Variants in ASB18 observed in about 807,000 individuals in gnomAD.
ASB18 encodes ankyrin repeat and SOCS box containing 18.
In ASB18, 33 loss-of-function variants were observed where a neutral mutation model predicts 33.4. That is an observed-to-expected ratio of 0.99 (90% CI 0.75 to 1.32). The LOEUF is 1.32. ASB18 is among the 40% of genes most tolerant of loss of function. The pLI is 0.00. For synonymous variants in ASB18, 295 were observed against 307.6 expected, an observed-to-expected ratio of 0.96 and a Z score of 0.43; for missense variants, 694 against 655.5, an observed-to-expected ratio of 1.06 and a Z score of -0.64.
At position 236,256,595 on chromosome 2, in the gene ASB18, G is replaced by T. The variant is rs1262050036; in HGVS notation, c.205+7546C>A. 6.6e-6 allele frequency among the ~76,000 whole-genome samples: 1 copy of T among 152,176 alleles called. No homozygotes were observed. The highest frequency in any genetic ancestry group is 1.5e-5 in the Non-Finnish European group (1 of 68,036). On this transcript the variant is annotated intron_variant, in intron 1 of 5. Transcript: ENST00000409749. This position sits in a 1 kb window ranked among gnomAD's most constrained non-coding sequence, Gnocchi z 4.7. ...TCCGCTATTATTCTCATTGCTTTTT[G>T]TTCTTTCCAAACTCTCCAGTGTGCT... is the stretch of plus-strand genomic sequence containing the variant.
Position 236,245,744 on chromosome 2 carries a change from G to A in ASB18, c.206-4342C>T, listed in dbSNP as rs13431133. Among the ~76,000 whole-genome samples the A allele has an allele frequency of 9.4e-3, 1,427 of 152,308 alleles. 20 individuals are homozygous for A. The highest frequency in any genetic ancestry group is 0.032 in the African/African-American group (1,345 of 41,566). Reference sequence around the variant, plus strand: ...TGAGCTTTTTTGGAGGACGGTGGGGGCTGCTGCTTCCTCTCTGGGAAGTTC... The same window carrying A: ...TGAGCTTTTTTGGAGGACGGTGGGGACTGCTGCTTCCTCTCTGGGAAGTTC... On this transcript the variant is annotated intron_variant, in intron 1 of 5. Transcript: ENST00000409749. The surrounding 1 kb of genome is among the most constrained non-coding windows in gnomAD (Gnocchi z 4.7).
Position 236,241,177 on chromosome 2 carries a change from C to G in ASB18, c.328+103G>C. On this transcript the variant is annotated intron_variant, in intron 2 of 5. Coordinates refer to ENST00000409749, the MANE Select transcript of ASB18 (RefSeq NM_212556.4). The surrounding 1 kb of genome is among the most constrained non-coding windows in gnomAD (Gnocchi z 4.2). ...ATGTCCTTTTCTTGTGTACGTTAAA[C>G]CCAGTGCCACTGTGCCCAGTCTACA... 8.4e-7 allele frequency: 1 copy of G among 1,185,950 alleles called. No homozygotes were observed. Among genetic ancestry groups the G allele is most frequent in the Middle Eastern group, 2.7e-4 (1 of 3,772 alleles). 73.5% of individuals were successfully genotyped at this position (1,185,950 alleles called of 1,614,324 possible).
rs2060579945 is a variant in ASB18 at position 236,234,479 on chromosome 2, G to A, written c.596+3210C>T. On this transcript the variant is annotated intron_variant, in intron 3 of 5. Transcript: ENST00000409749. This position sits in a 1 kb window ranked among gnomAD's most constrained non-coding sequence, Gnocchi z 4.1. The stretch of plus-strand genomic sequence containing the variant: ...TGGTGTGTGGCATAAAGATTGTGAG[G>A]AGCCAACACCACTGGCTACTCTTCC... 6.6e-6 allele frequency among the ~76,000 whole-genome samples: 1 copy of A among 152,148 alleles called. No homozygotes were observed. The highest frequency in any genetic ancestry group is 1.5e-5 in the Non-Finnish European group (1 of 68,030).
intron 1 of ASB18, among the ~76,000 whole-genome samples, chr2:236,242,945 TGGG>T (rs2060628058): frequency 7.1e-6 from 1 of 141,320 alleles, no homozygotes; most frequent in Non-Finnish European, 1.5e-5. Flanking sequence ...CACTAGAGCT[TGGG>T]AGGTCAAGAC....
Position 236,200,335 on chromosome 2 carries a change from C to G in ASB18, c.1102-3950G>C, listed in dbSNP as rs2060394478. On this transcript the variant is annotated intron_variant, in intron 4 of 5. Transcript: ENST00000409749. The surrounding 1 kb of genome is among the most constrained non-coding windows in gnomAD (Gnocchi z 4.2). Reference sequence around the variant, plus strand: ...CTGCACTCCAGCCTGGGCGACAGAGCAAGACTCCGTCTAAAAAAAAAAGAG... The same window carrying G: ...CTGCACTCCAGCCTGGGCGACAGAGGAAGACTCCGTCTAAAAAAAAAAGAG... Among the ~76,000 whole-genome samples, 1 of 151,824 alleles carries G rather than the reference C, an allele frequency of 6.6e-6. No homozygotes were observed. Among genetic ancestry groups the G allele is most frequent in the South Asian group, 2.1e-4 (1 of 4,812 alleles).
At chr2:236,202,428 TC>T (rs1266538340) in intron 4 of ASB18, among the ~76,000 whole-genome samples, 1 of 152,268 alleles carries the variant, frequency 6.6e-6, no homozygotes, top group East Asian at 1.9e-4. Flanking sequence ...GTTTTCCGGT[TC>T]TGTTGTACAT....
In ASB18 at chr2:236,262,016, T is replaced by C. The variant is rs1232542278; in HGVS notation, c.205+2125A>G. 2.0e-5 allele frequency among the ~76,000 whole-genome samples: 3 copies of C among 152,144 alleles called. No individual in the cohort carries two copies. The highest frequency in any genetic ancestry group is 4.4e-5 in the Non-Finnish European group (3 of 68,026). The stretch of plus-strand genomic sequence containing the variant: ...GTGGGAGCTATAATTCAAGATGAGA[T>C]TTGGGTGGGGACACAGCCAAACCAT... On this transcript the variant is annotated intron_variant, in intron 1 of 5. Transcript: ENST00000409749. This position sits in a 1 kb window ranked among gnomAD's most constrained non-coding sequence, Gnocchi z 5.2.
At chr2:236,246,418 C>G (rs1332385313) in intron 1 of ASB18, among the ~76,000 whole-genome samples, 4 of 125,882 alleles carry the variant, frequency 3.2e-5, no homozygotes, top group Non-Finnish European at 6.7e-5. Context: ...CTCTTTAAAA[C>G]TTTGTTTCAC....
In ASB18 at chr2:236,222,992, C is replaced by G. The variant is rs2060519364; in HGVS notation, c.597-8126G>C. On this transcript the variant is annotated intron_variant, in intron 3 of 5. Transcript: ENST00000409749. The surrounding 1 kb of genome is among the most constrained non-coding windows in gnomAD (Gnocchi z 5.5). ...CTGAGATGGTGCCACAGCACTCCAG[C>G]CTGGGTGACAGAGCGAGACTCCGTC... Among the ~76,000 whole-genome samples, 1 of 152,178 alleles carries G rather than the reference C, an allele frequency of 6.6e-6. No individual in the cohort carries two copies. The highest frequency in any genetic ancestry group is 2.4e-5 in the African/African-American group (1 of 41,438).
rs1184509886 is a variant in ASB18, at chr2:236,249,523, C to A, written c.206-8121G>T. 1 of 152,094 alleles carries A rather than the reference C, an allele frequency of 6.6e-6. No homozygotes were observed. The highest frequency in any genetic ancestry group is 1.5e-5 in the Non-Finnish European group (1 of 68,030). 9.4% of individuals were successfully genotyped at this position (152,094 alleles called of 1,614,324 possible). Reference sequence around the variant, plus strand: ...TGTTGTTCTGTGCACTGCTAGGGCCCATGGGGTTTCAACGTCTATTCCAGG... The same window carrying A: ...TGTTGTTCTGTGCACTGCTAGGGCCAATGGGGTTTCAACGTCTATTCCAGG... On this transcript the variant is annotated intron_variant, in intron 1 of 5. Transcript: ENST00000409749. This position sits in a 1 kb window ranked among gnomAD's most constrained non-coding sequence, Gnocchi z 4.6.
chr2:236,240,728 G>A (rs961757853), intron 2 of ASB18, among the ~76,000 whole-genome samples: 3 of 152,220 alleles, frequency 2.0e-5, no homozygotes, highest in Non-Finnish European at 4.4e-5. Context: ...AGCACCTGCA[G>A]ACACGTATGA....
chr2:236,247,188 T>C (rs1342609373), intron 1 of ASB18: 1 of 86,742 alleles, frequency 1.2e-5, no homozygotes, highest in Non-Finnish European at 2.0e-5. Flanking sequence ...CATTAGTTCA[T>C]AAGACATGCA....
At chr2:236,197,762 C>T (rs1043530903) in intron 4 of ASB18, among the ~76,000 whole-genome samples, 16 of 151,414 alleles carry the variant, frequency 1.1e-4, no homozygotes, top group African/African-American at 3.9e-4. Context: ...GCGGAGGTTG[C>T]GGTGAGCCGA....
chr2:236,197,041 C>T lies in ASB18; in HGVS notation c.1102-656G>A, dbSNP rs115969155. Among the ~76,000 whole-genome samples, 997 of 142,304 alleles carry T rather than the reference C, an allele frequency of 7.0e-3. 20 individuals are homozygous for T. The highest frequency in any genetic ancestry group is 0.028 in the African/African-American group (958 of 34,026). 93.4% of individuals were successfully genotyped at this position (142,304 alleles called of 152,430 possible). On this transcript the variant is annotated intron_variant, in intron 4 of 5. Transcript: ENST00000409749. ...TGAACCTTCATACAAAAAAGTAGTG[C>T]CAATAGTATGATAAACTCCCATGTA...
chr2:236,201,678 C>T (rs10929164), intron 4 of ASB18, among the ~76,000 whole-genome samples: 25,656 of 148,558 alleles, frequency 0.17, 2,206 homozygotes, highest in South Asian at 0.25. Context: ...TTTGGAGCTA[C>T]TGCACTTCAT....
Position 236,211,418 on chromosome 2 carries a change from T to C in ASB18, c.1101+2944A>G, listed in dbSNP as rs901138723. On this transcript the variant is annotated intron_variant, in intron 4 of 5. Coordinates refer to ENST00000409749, the MANE Select transcript of ASB18 (RefSeq NM_212556.4). This position sits in a 1 kb window ranked among gnomAD's most constrained non-coding sequence, Gnocchi z 5.0. ...CTCGGAAGGATGCCCTGTGTCCGCC[T>C]GCCGCGACGATGGTGCCTTTGTCTG... 2.0e-5 allele frequency among the ~76,000 whole-genome samples: 3 copies of C among 152,262 alleles called. No homozygotes were observed. The highest frequency in any genetic ancestry group is 6.5e-5 in the Admixed American group (1 of 15,282).
In ASB18 at chr2:236,196,283, C is replaced by G. The variant is rs1576391530; in HGVS notation, c.1204G>C (p.Glu402Gln). Reference sequence around the variant, plus strand: ...GGCAGCCCTCTTGCCTGGAATACTTCCTCAGGAATCACTTCCTTCCAGGAC... The same window carrying G: ...GGCAGCCCTCTTGCCTGGAATACTTGCTCAGGAATCACTTCCTTCCAGGAC... ...SESWKEVIPE[E>Q]VFQMHKPFYQ... is the part of the protein sequence containing the mutation. The change falls in exon 5 of 6, where the codon GAA becomes CAA. Residue 402 changes from glutamate to glutamine, a missense_variant. Transcript: ENST00000409749. The surrounding 1 kb of genome is among the most constrained non-coding windows in gnomAD (Gnocchi z 5.6). 2 of 1,547,926 alleles carry G rather than the reference C, an allele frequency of 1.3e-6. No individual in the cohort carries two copies. The highest frequency in any genetic ancestry group is 4.8e-5 in the East Asian group (2 of 41,258).
rs751817697 is a variant in ASB18, at chr2:236,257,957, G to A, written c.205+6184C>T. Among the ~76,000 whole-genome samples, 1 of 152,196 alleles carries A rather than the reference G, an allele frequency of 6.6e-6. No individual in the cohort carries two copies. Among genetic ancestry groups the A allele is most frequent in the Admixed American group, 6.5e-5 (1 of 15,284 alleles). On this transcript the variant is annotated intron_variant, in intron 1 of 5. Transcript: ENST00000409749. This position sits in a 1 kb window ranked among gnomAD's most constrained non-coding sequence, Gnocchi z 5.5. ...TCACCTGTTCTCCAGGGAACAGCAG[G>A]GACTTGCGGCATTGCCAATTCCTCC...
At position 236,259,482 on chromosome 2, in the gene ASB18, C is replaced by T. The variant is rs1380768190; in HGVS notation, c.205+4659G>A. ...CATGCACTTCCGTAATGGATGGAGA[C>T]TAAGGGCTTTATGCTTTCATGCAGG... On this transcript the variant is annotated intron_variant, in intron 1 of 5. Transcript: ENST00000409749. This position sits in a 1 kb window ranked among gnomAD's most constrained non-coding sequence, Gnocchi z 4.4. 1 of 470,304 alleles carries T rather than the reference C, an allele frequency of 2.1e-6. No individual in the cohort carries two copies. Among genetic ancestry groups the T allele is most frequent in the African/African-American group, 2.0e-5 (1 of 50,088 alleles). 29.1% of individuals were successfully genotyped at this position (470,304 alleles called of 1,614,324 possible). A position where few individuals can be genotyped will look rare whatever the true frequency, so the allele number is the denominator to read the frequency against.
Sources: allele counts gnomAD v4.1 joint callset (sites outside exome capture counted in the v4.1 genomes callset), GRCh38; gene constraint gnomAD v4.1.1; non-coding constraint Gnocchi (gnomAD v3.1); transcripts MANE v1.5; gene names NCBI Gene and HGNC (gene_info 2026-07-23, HGNC 2026-07-21).